The following SHMT1 variants were observed in gnomAD, a reference collection of about 807,000 sequenced individuals.
SHMT1 encodes the protein serine hydroxymethyltransferase 1.
A neutral mutation model predicts 49.0 loss-of-function variants in SHMT1; 45 were observed. The ratio of observed to expected loss-of-function variants is 0.92; its 90% CI spans 0.72 to 1.18. The LOEUF is 1.18. Ranked by LOEUF, SHMT1 falls within the 50% of genes most tolerant of loss-of-function variation. SHMT1 has a pLI of 0.00. For synonymous variants in SHMT1, 232 were observed against 246.6 expected (o/e 0.94, Z 0.55); for missense variants, 541 against 612.4 (o/e 0.88, Z 1.23).
At chr17:18,355,544 AAAAT>A (rs969954940) in intron 2 of SHMT1, among the ~76,000 whole-genome samples, 32 of 152,154 alleles carry the variant, frequency 2.1e-4, no homozygotes, top group African/African-American at 7.5e-4. Context: ...CTGTCTCAAA[AAAAT>A]AAATAAACAA....
chr17:18,328,900 C>T lies in SHMT1; in HGVS notation c.1302G>A (p.Gln434=), dbSNP rs771748086. 9.3e-6 allele frequency: 15 copies of T among 1,613,828 alleles called. No homozygotes were observed. Among genetic ancestry groups the T allele is most frequent in the Non-Finnish European group, 1.3e-5 (15 of 1,180,006 alleles). The change falls in exon 12 of 12, where the codon CAG becomes CAA. Residue 434 remains glutamine (Q), a synonymous_variant. Transcript: ENST00000316694. ...FIHRGIELTL[Q]IQSDTGVRAT... is the part of the protein sequence containing the mutation. Reference sequence around the variant, plus strand: ...CTCTGACACCAGTGTCGCTCTGGATCTGCAGGGTCAGCTCTATCCCTGTGC... The same window carrying T: ...CTCTGACACCAGTGTCGCTCTGGATTTGCAGGGTCAGCTCTATCCCTGTGC...
At chr17:18,345,822 G>A (rs368488820) in intron 5 of SHMT1, among the ~76,000 whole-genome samples, 3 of 151,152 alleles carry the variant, frequency 2.0e-5, no homozygotes, top group East Asian at 3.9e-4. Flanking sequence ...CTGGAACTAC[G>A]GGTGTGCACC....
chr17:18,355,914 G>C lies in SHMT1; in HGVS notation c.68C>G (p.Ala23Gly). The C allele has an allele frequency of 6.2e-7, 1 of 1,613,906 alleles. No homozygotes were observed. The highest frequency in any genetic ancestry group is 8.5e-7 in the Non-Finnish European group (1 of 1,179,842). ...DLWSSHDKML[A>G]QPLKDSDVEV... ...AACATCACTGTCTTTGAGGGGTTGTGCCAGCATCTTGTCATGTGAGGACCA... is the reference window on the plus strand; with the variant it reads ...AACATCACTGTCTTTGAGGGGTTGTCCCAGCATCTTGTCATGTGAGGACCA... Residue 23 changes from alanine (A) to glycine (G), a missense_variant, in exon 2 of 12, where the codon GCA becomes GGA. By Grantham distance (60) the Ala-to-Gly change is moderately conservative. Coordinates refer to ENST00000316694, the MANE Select transcript of SHMT1 (RefSeq NM_004169.5).
rs1457865054 is a variant in SHMT1 at position 18,353,948 on chromosome 17, G to C, written c.97-131C>G. 3 of 847,092 alleles carry C rather than the reference G, an allele frequency of 3.5e-6. No individual in the cohort carries two copies. In the South Asian group the frequency reaches 4.3e-5, roughly 12 times the overall value. The allele number at this position is 847,092 out of a possible 1,614,324, so 52.5% of individuals were successfully genotyped here. ...TGGAATAGAATGAATCCTCCTCAAA[G>C]GTTTTAGTATCTGAGAAAGCACTAA... is the stretch of plus-strand genomic sequence containing the variant. On this transcript the variant is annotated intron_variant, in intron 2 of 11. Coordinates refer to ENST00000316694, the MANE Select transcript of SHMT1 (RefSeq NM_004169.5).
intron 1 of SHMT1, among the ~76,000 whole-genome samples, chr17:18,361,227 C>T (rs1344564153): frequency 6.6e-6 from 1 of 151,074 alleles, no homozygotes; most frequent in Non-Finnish European, 1.5e-5. Context: ...ATCGCTTGAA[C>T]CCAGGAGGTT....
At chr17:18,350,917 G>C (rs1985623759) in intron 3 of SHMT1, among the ~76,000 whole-genome samples, 1 of 151,570 alleles carries the variant, frequency 6.6e-6, no homozygotes, top group Non-Finnish European at 1.5e-5. Flanking sequence ...ATTTTTAGTA[G>C]AGACAGGGTT....
intron 8 of SHMT1, 87 bp downstream of exon 8, chr17:18,335,472 G>T: frequency 1.1e-6 from 1 of 893,632 alleles, no homozygotes. Flanking sequence ...TTTTTCCCCA[G>T]CGTGGAAGTC....
intron 3 of SHMT1, chr17:18,348,722 C>G (rs1985371527): frequency 1.8e-6 from 1 of 546,236 alleles, no homozygotes; most frequent in Non-Finnish European, 3.6e-6. Flanking sequence ...TACCTATAAT[C>G]CCAGCACTTT....
chr17:18,336,466 G>T (rs1458584038), intron 7 of SHMT1, among the ~76,000 whole-genome samples: 2 of 152,108 alleles, frequency 1.3e-5, no homozygotes, highest in Non-Finnish European at 2.9e-5. Flanking sequence ...AGGAGTTCAA[G>T]ACCAGCTGGG....
intron 2 of SHMT1, among the ~76,000 whole-genome samples, chr17:18,354,899 A>C (rs1986076909): frequency 6.7e-6 from 1 of 148,154 alleles, no homozygotes; most frequent in Non-Finnish European, 1.5e-5. Context: ...TAATACAAAA[A>C]ATTAGCCAGG....
At position 18,353,665 on chromosome 17, in the gene SHMT1, C is replaced by T. The variant is rs2273026; in HGVS notation, c.242+7G>A. The stretch of plus-strand genomic sequence containing the variant: ...TCAGAACCAGGCCTTTGAAGATATT[C>T]ACATACCTCTGGCCCGGGTACCCCT... On this transcript the variant is annotated splice_region_variant and intron_variant, in intron 3 of 11. Transcript: ENST00000316694. 0.11 allele frequency: 179,886 copies of T among 1,613,322 alleles called. 10,996 individuals are homozygous for T. The highest frequency in any genetic ancestry group is 0.18 in the Admixed American group (10,818 of 59,972).
intron 5 of SHMT1, 112 bp downstream of exon 5, chr17:18,347,384 C>T (rs1012162356): frequency 2.1e-5 from 26 of 1,213,006 alleles, no homozygotes; most frequent in Middle Eastern, 2.7e-4. Flanking sequence ...AAAAACGGTG[C>T]GAGGTGGGGA....
chr17:18,335,336 A>G (rs1360842764), intron 8 of SHMT1, among the ~76,000 whole-genome samples: 1 of 152,226 alleles, frequency 6.6e-6, no homozygotes, highest in African/African-American at 2.4e-5. Context: ...GGCCTGACCC[A>G]CAGGTTTGCC....
chr17:18,331,737 G>A (rs932339877), intron 9 of SHMT1: 1 of 152,238 alleles, frequency 6.6e-6, no homozygotes, highest in African/African-American at 2.4e-5. Context: ...CCCAGGGGTG[G>A]TGTGCACATT....
At chr17:18,336,720 G>A (rs1983836286) in intron 7 of SHMT1, among the ~76,000 whole-genome samples, 1 of 152,038 alleles carries the variant, frequency 6.6e-6, no homozygotes, top group African/African-American at 2.4e-5. Context: ...AGAGGTGGGA[G>A]GATCACTTGA....
In SHMT1 at chr17:18,357,048, G is replaced by A. The variant is rs747560589; in HGVS notation, c.-19-1048C>T. 7.9e-5 allele frequency among the ~76,000 whole-genome samples: 12 copies of A among 151,856 alleles called. 1 individual carries two copies. Among genetic ancestry groups the A allele is most frequent in the Admixed American group, 2.0e-4 (3 of 15,228 alleles). On this transcript the variant is annotated intron_variant, in intron 1 of 11. Transcript: ENST00000316694. ...TGCAATCCCAGCACTTTGGGAGGCCGAGGTGGGCAGATCACAAGATCTGGA... is the reference window on the plus strand; with the variant it reads ...TGCAATCCCAGCACTTTGGGAGGCCAAGGTGGGCAGATCACAAGATCTGGA...
In SHMT1 at chr17:18,340,340, A is replaced by AC; in HGVS notation, c.602-86_602-85insG. ...TTCACAGTGGCCTCTAGATGTGCAG[A>AC]TCTGAAAGCCCAGAGATTTCTTCCC... On this transcript the variant is annotated intron_variant, in intron 6 of 11. Coordinates refer to ENST00000316694, the MANE Select transcript of SHMT1 (RefSeq NM_004169.5). This position sits in a 1 kb window ranked among gnomAD's most constrained non-coding sequence, Gnocchi z 4.5. 7.4e-7 allele frequency: 1 copy of AC among 1,359,636 alleles called. No homozygotes were observed. Among genetic ancestry groups the AC allele is most frequent in the Admixed American group, 1.7e-5 (1 of 57,908 alleles). The allele number at this position is 1,359,636 out of a possible 1,614,324, so 84.2% of individuals were successfully genotyped here.
intron 1 of SHMT1, among the ~76,000 whole-genome samples, chr17:18,359,922 G>A (rs1986599565): frequency 6.7e-6 from 1 of 149,398 alleles, no homozygotes; most frequent in South Asian, 2.1e-4. Context: ...CCGCAGCCTG[G>A]CAACAAAGCA....
At chr17:18,337,724 G>A (rs1489510761) in intron 7 of SHMT1, among the ~76,000 whole-genome samples, 3 of 152,158 alleles carry the variant, frequency 2.0e-5, no homozygotes, top group African/African-American at 2.4e-5. Context: ...GGCACGTGCC[G>A]CCACGCCTGA....
Sources: allele counts gnomAD v4.1 joint callset (sites outside exome capture counted in the v4.1 genomes callset), GRCh38; gene constraint gnomAD v4.1.1; non-coding constraint Gnocchi (gnomAD v3.1); transcripts MANE v1.5; gene names NCBI Gene and HGNC (gene_info 2026-07-23, HGNC 2026-07-21).